The following HERC1 variants were observed in gnomAD, a reference collection of about 807,000 sequenced individuals.
HERC1 encodes the protein HECT and RLD domain containing E3 ubiquitin protein ligase family member 1.
In HERC1, 160 loss-of-function variants were observed where a neutral mutation model predicts 554.3. That is an observed-to-expected ratio of 0.29 (90% confidence interval 0.25 to 0.33). The LOEUF is 0.33. Ranked by LOEUF, HERC1 falls within the 10% of genes least tolerant of loss-of-function variation. The probability of loss-of-function intolerance (pLI) is 1.00; values close to 1 mark genes in which losing one functional copy is unlikely to be tolerated. For synonymous variants in HERC1, 2,175 were observed against 2,131.7 expected (o/e 1.02, Z -0.56); for missense variants, 4,919 against 5,918.5 (o/e 0.83, Z 5.54).
rs746938438 is a variant in HERC1, at chr15:63,692,367, G to A, written c.5830+44C>T. ...CTGGCATTATCTTAATAAAATGCAAGTAATATCTATAAATACTCTAAGACA... is the reference window on the plus strand; with the variant it reads ...CTGGCATTATCTTAATAAAATGCAAATAATATCTATAAATACTCTAAGACA... On this transcript the variant is annotated intron_variant, in intron 31 of 77. Transcript: ENST00000443617. This position sits in a 1 kb window ranked among gnomAD's most constrained non-coding sequence, Gnocchi z 4.7. The A allele has an allele frequency of 1.4e-6, 2 of 1,440,418 alleles. No individual in the cohort carries two copies. The highest frequency in any genetic ancestry group is 1.9e-6 in the Non-Finnish European group (2 of 1,074,930). The allele number at this position is 1,440,418 out of a possible 1,614,324, so 89.2% of individuals were successfully genotyped here.
In HERC1 at chr15:63,829,559, G is replaced by GTATA. The variant is rs1316907768; in HGVS notation, c.-27+4267_-27+4268insTATA. On this transcript the variant is annotated intron_variant, in intron 1 of 77. Coordinates refer to ENST00000443617, the MANE Select transcript of HERC1 (RefSeq NM_003922.4). ...CATATATGTATGTGTGTGTGTGTGT[G>GTATA]TGTATATATATATATATATATATAT... Among the ~76,000 whole-genome samples, 580 of 94,454 alleles carry GTATA rather than the reference G, an allele frequency of 6.1e-3. 2 individuals are homozygous for GTATA. The highest frequency in any genetic ancestry group is 7.9e-3 in the Non-Finnish European group (358 of 45,544). 62.0% of individuals were successfully genotyped at this position (94,454 alleles called of 152,430 possible).
chr15:63,747,183 G>C, intron 11 of HERC1, 100 bp from the exon 12 acceptor site: 10 of 1,080,082 alleles, frequency 9.3e-6, no homozygotes, highest in Non-Finnish European at 1.2e-5. Context: ...TTGTTGGCTA[G>C]GTGCGGTGGC....
chr15:63,644,933 C>G, intron 57 of HERC1, 59 bp downstream of exon 57: 1 of 1,276,510 alleles, frequency 7.8e-7, no homozygotes, highest in East Asian at 2.3e-5. Flanking sequence ...GGGAGAATGA[C>G]TCTGATGTCA....
chr15:63,773,531 T>A (rs1007881113), intron 2 of HERC1, among the ~76,000 whole-genome samples: 2 of 151,884 alleles, frequency 1.3e-5, no homozygotes, highest in Non-Finnish European at 2.9e-5. Context: ...TATTTTAAAT[T>A]TGTATTTTAT....
At chr15:63,778,159 T>TC (rs2076168034) in intron 1 of HERC1, among the ~76,000 whole-genome samples, 1 of 152,138 alleles carries the variant, frequency 6.6e-6, no homozygotes, top group South Asian at 2.1e-4. Context: ...AGAGAAAAAG[T>TC]CAACCAATCC....
chr15:63,686,531 T>C lies in HERC1; in HGVS notation c.6053A>G (p.Gln2018Arg). ...EKEQEIKLQK[Q>R]GELEEEDENL... The stretch of plus-strand genomic sequence containing the variant: ...CTCATCTTCTTCTTCCAACTCGCCC[T>C]GCTTCTACCAGAAAAGAAGCTGGGT... The change falls in exon 34 of 78, where the codon CAG (glutamine) becomes CGG (arginine). Residue 2018 changes from glutamine (Q) to arginine (R), a missense_variant. Physicochemically the swap from Gln to Arg is conservative, Grantham distance 43 (BLOSUM62 1). Around this residue, in one of 11 missense-constraint regions of HERC1, gnomAD observed 1,121 missense variants for 1,244.0 expected, o/e 0.90. Coordinates refer to ENST00000443617, the MANE Select transcript of HERC1 (RefSeq NM_003922.4). 2 of 1,611,062 alleles carry C rather than the reference T, an allele frequency of 1.2e-6. No homozygotes were observed. The highest frequency in any genetic ancestry group is 1.1e-5 in the South Asian group (1 of 90,478).
intron 67 of HERC1, among the ~76,000 whole-genome samples, chr15:63,633,352 G>C (rs1055931816): frequency 1.3e-5 from 2 of 152,178 alleles, no homozygotes; most frequent in African/African-American, 4.8e-5. Flanking sequence ...CACATAGAAG[G>C]ACTTCTGTAG....
rs370905411 is a variant in HERC1, at chr15:63,659,932, G to C, written c.9228C>G (p.Asp3076Glu). 1.9e-6 allele frequency: 3 copies of C among 1,603,500 alleles called. No homozygotes were observed. Among genetic ancestry groups the C allele is most frequent in the Non-Finnish European group, 1.7e-6 (2 of 1,171,006 alleles). ...CTTCATCAACATCCAACATGTCCCAGTCTTCTGGAATTTAAATAAATAAAT... is the reference window on the plus strand; with the variant it reads ...CTTCATCAACATCCAACATGTCCCACTCTTCTGGAATTTAAATAAATAAAT... The part of the protein sequence containing the change: ...IGKQDSVYEE[D>E]WDMLDVDEDE... Residue 3076 changes from aspartate to glutamate, a missense_variant, in exon 47 of 78, where the codon GAC (aspartate) becomes GAG (glutamate). By Grantham distance (45) the Asp-to-Glu change is conservative. This residue lies in a region of HERC1 where 1,963 missense variants were observed against 2,228.6 expected (regional missense o/e 0.88). Coordinates refer to ENST00000443617, the MANE Select transcript of HERC1 (RefSeq NM_003922.4).
chr15:63,712,091 G>A (rs1223708914), intron 24 of HERC1, among the ~76,000 whole-genome samples: 1 of 152,188 alleles, frequency 6.6e-6, no homozygotes, highest in Non-Finnish European at 1.5e-5. Context: ...TCCAGGTTCT[G>A]AGGCTTTTTT....
At chr15:63,695,996 G>C (rs2072390424) in intron 27 of HERC1, 128 bp downstream of exon 27, 9 of 658,368 alleles carry the variant, frequency 1.4e-5, no homozygotes, top group East Asian at 2.7e-5. Context: ...GAACCAAGGA[G>C]CTATCTTAAA....
At chr15:63,753,892 T>A (rs1374693579) in intron 7 of HERC1, among the ~76,000 whole-genome samples, 1 of 152,132 alleles carries the variant, frequency 6.6e-6, no homozygotes, top group Non-Finnish European at 1.5e-5. Flanking sequence ...AAGATACTCA[T>A]GCCGGGCACG....
intron 12 of HERC1, among the ~76,000 whole-genome samples, chr15:63,740,427 T>C (rs1368745511): frequency 2.0e-5 from 3 of 152,250 alleles, no homozygotes; most frequent in Non-Finnish European, 2.9e-5. Flanking sequence ...ATGTTTTCAA[T>C]GCTCTTGGGT....
At chr15:63,646,498 TAAA>T (rs71287041) in intron 55 of HERC1, among the ~76,000 whole-genome samples, 2 of 134,456 alleles carry the variant, frequency 1.5e-5, no homozygotes. Context: ...TAGTAGAGGC[TAAA>T]AAAAAAAAAA....
intron 13 of HERC1, among the ~76,000 whole-genome samples, chr15:63,733,447 G>C (rs1017668692): frequency 6.6e-6 from 1 of 152,164 alleles, no homozygotes; most frequent in Non-Finnish European, 1.5e-5. Flanking sequence ...AATGCCAATA[G>C]ATAAATAATA....
Position 63,680,541 on chromosome 15 carries a change from C to G in HERC1, c.6461G>C (p.Gly2154Ala). Residue 2154 changes from glycine (G) to alanine (A), a missense_variant, in exon 35 of 78, where the codon GGA (glycine) becomes GCA (alanine). Physicochemically the swap from Gly to Ala is moderately conservative, Grantham distance 60. Coordinates refer to ENST00000443617, the MANE Select transcript of HERC1 (RefSeq NM_003922.4). This position sits in a 1 kb window ranked among gnomAD's most constrained non-coding sequence, Gnocchi z 5.8. ...CTTGTGAATGGGTGTCGGTACCTCTCCATTTTTCCCAAAAGAAATGGTCCT... is the reference window on the plus strand; with the variant it reads ...CTTGTGAATGGGTGTCGGTACCTCTGCATTTTTCCCAAAAGAAATGGTCCT... Reference protein sequence around the residue: ...EARTISFGKNGEEPKLAFEDV... With the variant: ...EARTISFGKNAEEPKLAFEDV... The G allele has an allele frequency of 1.2e-6, 2 of 1,613,620 alleles. No homozygotes were observed. The highest frequency in any genetic ancestry group is 1.7e-6 in the Non-Finnish European group (2 of 1,179,722).
At chr15:63,763,180 C>T (rs1266354278) in intron 3 of HERC1, among the ~76,000 whole-genome samples, 1 of 152,136 alleles carries the variant, frequency 6.6e-6, no homozygotes, top group Non-Finnish European at 1.5e-5. Context: ...TTGTCACCCC[C>T]ACGACCTGGT....
intron 14 of HERC1, among the ~76,000 whole-genome samples, chr15:63,730,722 C>T (rs988797240): frequency 6.6e-5 from 10 of 152,130 alleles, no homozygotes; most frequent in Admixed American, 2.6e-4. Flanking sequence ...TGCTTAAATA[C>T]TTAGCGGCAG....
At position 63,709,152 on chromosome 15, in the gene HERC1, A is replaced by AAT. The variant is rs946137103; in HGVS notation, c.4585-2323_4585-2322dup. ...CAGGTGCACACCACAACACCCAGCT[A>AAT]ATATATATATATATTTTTTATTTTT... is the stretch of plus-strand genomic sequence containing the variant. On this transcript the variant is annotated intron_variant, in intron 24 of 77. Transcript: ENST00000443617. Among the ~76,000 whole-genome samples, 7 of 150,874 alleles carry AAT rather than the reference A, an allele frequency of 4.6e-5. No homozygotes were observed. In the South Asian group the frequency reaches 6.3e-4, roughly 14 times the overall value.
At position 63,680,714 on chromosome 15, in the gene HERC1, T is replaced by C. The variant is rs760778841; in HGVS notation, c.6288A>G (p.Pro2096=). 1.9e-6 allele frequency: 3 copies of C among 1,613,464 alleles called. No homozygotes were observed. The highest frequency in any genetic ancestry group is 2.7e-5 in the African/African-American group (2 of 74,908). Residue 2096 remains proline, a synonymous_variant, in exon 35 of 78, where the codon CCA becomes CCG. Coordinates refer to ENST00000443617, the MANE Select transcript of HERC1 (RefSeq NM_003922.4). This position sits in a 1 kb window ranked among gnomAD's most constrained non-coding sequence, Gnocchi z 5.8. ...EGTCVGVSRW[P]VHDFNHRTTS... is the part of the protein sequence containing the mutation. ...TAGTGCGGTGATTAAAGTCATGTAC[T>C]GGCCAGCGAGAAACTCCAACACACG...
Sources: gnomAD v4.1 joint callset for allele counts (sites outside exome capture counted in the v4.1 genomes callset) on GRCh38, gnomAD v4.1.1 for gene constraint, gnomAD v4.1.1 regional missense constraint, Gnocchi (gnomAD v3.1) non-coding constraint, MANE v1.5 for transcripts, NCBI Gene and HGNC (gene_info 2026-07-23, HGNC 2026-07-21) for gene names.